PLCE1: variants seen among roughly 807,000 people sequenced by gnomAD.
PLCE1 encodes the protein phospholipase C epsilon 1, also known as 1-phosphatidylinositol 4,5-bisphosphate phosphodiesterase epsilon-1.
In PLCE1, 119 loss-of-function variants were observed where a neutral mutation model predicts 242.8. That is an observed-to-expected ratio of 0.49 (90% CI 0.42 to 0.57). PLCE1 has a LOEUF of 0.57. Among genes scored for constraint, PLCE1 ranks in the 20% least tolerant of loss-of-function variants. PLCE1 has a pLI of 0.00. For missense variants in PLCE1, 2,441 were observed against 2,788.8 expected, an observed-to-expected ratio of 0.88 and a Z score of 2.81; for synonymous variants, 945 against 1,017.4, an observed-to-expected ratio of 0.93 and a Z score of 1.35.
intron 2 of PLCE1, among the ~76,000 whole-genome samples, chr10:94,111,654 A>T (rs1439716481): frequency 1.1e-5 from 1 of 93,766 alleles, no homozygotes; most frequent in African/African-American, 3.3e-5. Flanking sequence ...TGAGGCATTT[A>T]CACTTGGTTC....
At chr10:94,144,833 A>G (rs1217380180) in intron 3 of PLCE1, among the ~76,000 whole-genome samples, 1 of 152,214 alleles carries the variant, frequency 6.6e-6, no homozygotes, top group African/African-American at 2.4e-5. Context: ...ACTAACAGGT[A>G]TTGGGCACTC....
intron 2 of PLCE1, among the ~76,000 whole-genome samples, chr10:94,059,496 G>T (rs1236713150): frequency 6.6e-6 from 1 of 152,076 alleles, no homozygotes; most frequent in Non-Finnish European, 1.5e-5. Context: ...ATACGGGGAG[G>T]GGGTGTGTGT....
chr10:94,118,140 T>G (rs892539865), intron 2 of PLCE1, among the ~76,000 whole-genome samples: 3 of 152,220 alleles, frequency 2.0e-5, no homozygotes, highest in Non-Finnish European at 4.4e-5. Flanking sequence ...AGTTACAATT[T>G]TTTTAAACTT....
intron 27 of PLCE1, among the ~76,000 whole-genome samples, chr10:94,311,037 C>A (rs909018605): frequency 3.3e-5 from 5 of 152,090 alleles, no homozygotes; most frequent in African/African-American, 1.2e-4. Flanking sequence ...ACCAGTTGAT[C>A]AGAACAGATG....
intron 2 of PLCE1, chr10:94,099,617 C>G (rs1301614460): frequency 6.6e-6 from 1 of 152,160 alleles, no homozygotes; most frequent in African/African-American, 2.4e-5. Context: ...AAGACAAAAC[C>G]TACTCAACAG....
intron 2 of PLCE1, among the ~76,000 whole-genome samples, chr10:94,061,153 T>G (rs1016675663): frequency 6.6e-6 from 1 of 152,192 alleles, no homozygotes; most frequent in Non-Finnish European, 1.5e-5. Flanking sequence ...CAAAACCTGC[T>G]TTTTGGTTGT....
intron 3 of PLCE1, among the ~76,000 whole-genome samples, chr10:94,147,286 G>A (rs2047143124): frequency 6.6e-6 from 1 of 152,082 alleles, no homozygotes; most frequent in Non-Finnish European, 1.5e-5. Context: ...GCCAGGTATG[G>A]TGGTAGGCAC....
chr10:94,077,128 C>T (rs2044527376), intron 2 of PLCE1, among the ~76,000 whole-genome samples: 1 of 152,202 alleles, frequency 6.6e-6, no homozygotes, highest in Non-Finnish European at 1.5e-5. Flanking sequence ...GCTTTGTGCA[C>T]TTATGAGTGT....
chr10:94,294,222 G>T (rs970528918), intron 23 of PLCE1, among the ~76,000 whole-genome samples: 5 of 152,206 alleles, frequency 3.3e-5, no homozygotes, highest in Non-Finnish European at 7.3e-5. Context: ...GAACATTCTA[G>T]TGGTTTCTTG....
chr10:94,324,755 T>G (rs572019749), intron 31 of PLCE1, 137 bp from the exon 32 acceptor site: 1 of 1,001,562 alleles, frequency 1.0e-6, no homozygotes, highest in Admixed American at 1.9e-5. Context: ...GGTTAAGCAG[T>G]CCTAGAGGGG....
At chr10:94,067,801 T>A (rs1456753843) in intron 2 of PLCE1, among the ~76,000 whole-genome samples, 1 of 152,180 alleles carries the variant, frequency 6.6e-6, no homozygotes, top group Non-Finnish European at 1.5e-5. Flanking sequence ...CTTCTGAACC[T>A]GGGTTAGTGC....
intron 4 of PLCE1, among the ~76,000 whole-genome samples, chr10:94,188,797 G>A (rs1293604917): frequency 3.3e-5 from 5 of 151,922 alleles, no homozygotes; most frequent in Admixed American, 6.6e-5. Flanking sequence ...TAGAGATGGC[G>A]TTTCACCATG....
chr10:94,293,034 T>C (rs1479691627), intron 22 of PLCE1, among the ~76,000 whole-genome samples: 1 of 152,178 alleles, frequency 6.6e-6, no homozygotes, highest in Non-Finnish European at 1.5e-5. Context: ...GTTCCTATCA[T>C]TACACACATT....
chr10:94,097,056 A>C (rs2135440698), intron 2 of PLCE1, among the ~76,000 whole-genome samples: 1 of 152,308 alleles, frequency 6.6e-6, no homozygotes, highest in Admixed American at 6.5e-5. Context: ...CTGATTACCC[A>C]ACTACCCCTC....
chr10:94,011,359 G>A (rs1405634905), intron 1 of PLCE1, among the ~76,000 whole-genome samples: 5 of 152,010 alleles, frequency 3.3e-5, no homozygotes, highest in South Asian at 2.1e-4. Context: ...CATTCATGAG[G>A]AATACACTCC....
chr10:94,284,978 A>G lies in PLCE1; in HGVS notation c.5035+13A>G. ...GTAAAATTTCCAGGTAAGATTAGGC[A>G]ATATCATCTATAACTTTTAAAGATA... On this transcript the variant is annotated intron_variant, in intron 22 of 32. Coordinates refer to ENST00000371380, the MANE Select transcript of PLCE1 (RefSeq NM_016341.4). 2 of 1,318,780 alleles carry G rather than the reference A, an allele frequency of 1.5e-6. No individual in the cohort carries two copies. Among genetic ancestry groups the G allele is most frequent in the Non-Finnish European group, 2.2e-6 (2 of 910,104 alleles). The allele number at this position is 1,318,780 out of a possible 1,614,324, so 81.7% of individuals were successfully genotyped here. A position where few individuals can be genotyped will look rare whatever the true frequency, so the allele number is the denominator to read the frequency against.
intron 13 of PLCE1, among the ~76,000 whole-genome samples, chr10:94,261,228 A>T (rs1046016034): frequency 2.0e-5 from 3 of 152,104 alleles, no homozygotes; most frequent in African/African-American, 7.2e-5. Context: ...CCAGAATGTC[A>T]TATAGTTGGA....
intron 3 of PLCE1, among the ~76,000 whole-genome samples, chr10:94,143,286 T>C (rs1407719460): frequency 6.6e-6 from 1 of 152,234 alleles, no homozygotes. Context: ...ACTCCTGGTA[T>C]TGGGAGCCTT....
chr10:94,181,163 CG>C (rs2048298378), intron 4 of PLCE1, among the ~76,000 whole-genome samples: 1 of 152,142 alleles, frequency 6.6e-6, no homozygotes, highest in African/African-American at 2.4e-5. Flanking sequence ...CACTGATCAG[CG>C]GAATGAAGAC....
Sources: allele counts gnomAD v4.1 joint callset (sites outside exome capture counted in the v4.1 genomes callset), GRCh38; gene constraint gnomAD v4.1.1; transcripts MANE v1.5; gene names NCBI Gene and HGNC (gene_info 2026-07-23, HGNC 2026-07-21).